The following TCF24 variants were observed in gnomAD, a reference collection of about 807,000 sequenced individuals.
The protein encoded by TCF24 is transcription factor 24.
A neutral mutation model predicts 9.3 loss-of-function variants in TCF24; 5 were observed. That is an observed-to-expected ratio of 0.54 (90% CI 0.28 to 1.13). The LOEUF (loss-of-function observed/expected upper bound fraction) is 1.13. Among genes scored for constraint, TCF24 ranks in the 50% most tolerant of loss-of-function variants. The pLI, the probability that TCF24 is intolerant of heterozygous loss-of-function variation, is 0.09. For synonymous variants in TCF24, 110 were observed against 115.8 expected (o/e 0.95, Z 0.32); for missense variants, 220 against 236.1 (o/e 0.93, Z 0.45).
chr8:66,961,808 C>CA lies in TCF24; in HGVS notation c.-23-21_-23-20insT. Reference sequence around the variant, plus strand: ...CGCGCGCTGCAAAGGACCGAAGGTGCGGTGAGGCCGGGGGGCGGTCGGGCT... The same window carrying CA: ...CGCGCGCTGCAAAGGACCGAAGGTGCAGGTGAGGCCGGGGGGCGGTCGGGCT... On this transcript the variant is annotated intron_variant, in intron 2 of 3. Coordinates refer to ENST00000563496, the MANE Select transcript of TCF24 (RefSeq NM_001193502.2). The CA allele has an allele frequency of 9.1e-7, 1 of 1,100,360 alleles. No homozygotes were observed. 68.2% of individuals were successfully genotyped at this position (1,100,360 alleles called of 1,614,324 possible). A position where few individuals can be genotyped will look rare whatever the true frequency, so the allele number is the denominator to read the frequency against.
Position 66,947,993 on chromosome 8 carries a change from T to C in TCF24, c.*58A>G. ...GTCTCATATAATAAATATAGAATTA[T>C]GTCATAGTATTTAAAAACAATAGCC... is the stretch of plus-strand genomic sequence containing the variant. On this transcript the variant is annotated 3_prime_UTR_variant, in exon 4 of 4. Transcript: ENST00000563496. 1 of 1,212,602 alleles carries C rather than the reference T, an allele frequency of 8.2e-7. No homozygotes were observed. The highest frequency in any genetic ancestry group is 1.1e-6 in the Non-Finnish European group (1 of 891,460). 75.1% of individuals were successfully genotyped at this position (1,212,602 alleles called of 1,614,324 possible). A position where few individuals can be genotyped will look rare whatever the true frequency, so the allele number is the denominator to read the frequency against.
rs995703345 is a variant in TCF24 at position 66,952,944 on chromosome 8, C to G, written c.391-4780G>C. On this transcript the variant is annotated intron_variant, in intron 3 of 3. Coordinates refer to ENST00000563496, the MANE Select transcript of TCF24 (RefSeq NM_001193502.2). ...CCTGCCTTTTTTTGTTTTCCATTTGCTTGGTAGATCTTCCTCCATCCTTTT... is the reference window on the plus strand; with the variant it reads ...CCTGCCTTTTTTTGTTTTCCATTTGGTTGGTAGATCTTCCTCCATCCTTTT... Among the ~76,000 whole-genome samples, 79 of 129,320 alleles carry G rather than the reference C, an allele frequency of 6.1e-4. No homozygotes were observed. The East Asian group carries it at 0.017, about 28-fold the overall frequency. The allele number at this position is 129,320 out of a possible 152,430, so 84.8% of individuals were successfully genotyped here.
chr8:66,951,663 G>T (rs1814060911), intron 3 of TCF24, among the ~76,000 whole-genome samples: 2 of 152,214 alleles, frequency 1.3e-5, no homozygotes, highest in African/African-American at 4.8e-5. Flanking sequence ...AGTTTCAGAA[G>T]GAATGGTACC....
At chr8:66,950,134 T>G (rs1165316223) in intron 3 of TCF24, among the ~76,000 whole-genome samples, 40 of 138,928 alleles carry the variant, frequency 2.9e-4, no homozygotes, top group Admixed American at 8.2e-4. Context: ...GTCAATTTTG[T>G]CTTTTGTTGC....
chr8:66,949,458 T>A (rs1448981252), intron 3 of TCF24, among the ~76,000 whole-genome samples: 7 of 152,232 alleles, frequency 4.6e-5, no homozygotes, highest in Non-Finnish European at 8.8e-5. Flanking sequence ...GGCTGCATAG[T>A]ATTCCATGGT....
intron 3 of TCF24, among the ~76,000 whole-genome samples, chr8:66,960,855 G>A (rs759677544): frequency 3.9e-5 from 6 of 152,110 alleles, no homozygotes; most frequent in Non-Finnish European, 8.8e-5. Context: ...TTACTCCATA[G>A]AGATGCAGAA....
chr8:66,954,097 G>A (rs1417069638), intron 3 of TCF24, among the ~76,000 whole-genome samples: 1 of 152,234 alleles, frequency 6.6e-6, no homozygotes, highest in East Asian at 1.9e-4. Context: ...CTCTCAGCTC[G>A]TCAAAGTCAT....
rs1054796835 is a variant in TCF24 at position 66,961,717 on chromosome 8, G to A, written c.49C>T (p.Pro17Ser). The A allele has an allele frequency of 4.5e-6, 5 of 1,101,064 alleles. No homozygotes were observed. Among genetic ancestry groups the A allele is most frequent in the Non-Finnish European group, 5.5e-6 (5 of 905,174 alleles). 68.2% of individuals were successfully genotyped at this position (1,101,064 alleles called of 1,614,324 possible). ...CGGATGGCGGCGGCCAGGGGCGCGG[G>A]CTCGGCGCTGGCGCTGAGGGGGCTG... ...AGSPLSASAE[P>S]APLAAAIRDS... The change falls in exon 3 of 4, where the codon CCC (proline) becomes TCC (serine). Residue 17 changes from proline to serine, a missense_variant. By Grantham distance (74) the Pro-to-Ser change is moderately conservative. Coordinates refer to ENST00000563496, the MANE Select transcript of TCF24 (RefSeq NM_001193502.2).
chr8:66,948,697 ATC>A (rs756749475), intron 3 of TCF24, among the ~76,000 whole-genome samples: 2 of 149,902 alleles, frequency 1.3e-5, no homozygotes, highest in Non-Finnish European at 3.0e-5. Context: ...CTATCTATCT[ATC>A]TATCTATTTT....
chr8:66,955,955 A>T (rs1814145173), intron 3 of TCF24, among the ~76,000 whole-genome samples: 1 of 152,062 alleles, frequency 6.6e-6, no homozygotes, highest in Admixed American at 6.6e-5. Context: ...TTTATGAGAC[A>T]GGGTCTCATT....
At chr8:66,948,674 T>TCTAC in intron 3 of TCF24, among the ~76,000 whole-genome samples, 1 of 150,522 alleles carries the variant, frequency 6.6e-6, no homozygotes, top group East Asian at 1.9e-4. Flanking sequence ...TATCTATCTA[T>TCTAC]CTATCTATCT....
chr8:66,950,617 A>G (rs867492702), intron 3 of TCF24, among the ~76,000 whole-genome samples: 20 of 152,174 alleles, frequency 1.3e-4, no homozygotes, highest in African/African-American at 2.6e-4. Context: ...GTTTTTTCCA[A>G]TTCTGTGAAG....
rs1348976269 is a variant in TCF24 at position 66,961,559 on chromosome 8, G to C, written c.207C>G (p.Phe69Leu). 1.1e-5 allele frequency: 16 copies of C among 1,498,690 alleles called. No individual in the cohort carries two copies. Among genetic ancestry groups the C allele is most frequent in the East Asian group, 2.8e-5 (1 of 35,708 alleles). 92.8% of individuals were successfully genotyped at this position (1,498,690 alleles called of 1,614,324 possible). A position where few individuals can be genotyped will look rare whatever the true frequency, so the allele number is the denominator to read the frequency against. The change falls in exon 3 of 4, where the codon TTC becomes TTG. Residue 69 changes from phenylalanine (F) to leucine (L), a missense_variant. Transcript: ENST00000563496. Reference protein sequence around the residue: ...RSRVQTLRHAFLELQRTLPSV... With the variant: ...RSRVQTLRHALLELQRTLPSV... ...ACGGCAGCGTGCGCTGCAGCTCCAG[G>C]AAAGCGTGCCGCAGGGTCTGCACCC...
intron 3 of TCF24, among the ~76,000 whole-genome samples, chr8:66,957,940 A>T (rs1394913357): frequency 2.7e-5 from 4 of 148,674 alleles, no homozygotes. Context: ...GCTCTAAATC[A>T]TTCAGCCAAG....
intron 3 of TCF24, among the ~76,000 whole-genome samples, chr8:66,956,197 T>C (rs1814149232): frequency 6.6e-6 from 1 of 152,150 alleles, no homozygotes; most frequent in African/African-American, 2.4e-5. Context: ...TGGGCTCAAG[T>C]GAGCCTCCTG....
At chr8:66,958,839 T>C (rs188082880) in intron 3 of TCF24, among the ~76,000 whole-genome samples, 8 of 152,378 alleles carry the variant, frequency 5.3e-5, no homozygotes, top group African/African-American at 1.4e-4. Context: ...CTCCTGTTTC[T>C]TAGCGAATCA....
rs1813986635 is a variant in TCF24 at position 66,947,823 on chromosome 8, TC to T, written c.*227del. ...CATGTGACTTTTTTCTAATAATTTC[TC>T]TTGCACTATATAGTAGTGACTCTCA... On this transcript the variant is annotated 3_prime_UTR_variant, in exon 4 of 4. Transcript: ENST00000563496. 6.0e-6 allele frequency: 2 copies of T among 333,220 alleles called. No homozygotes were observed. The highest frequency in any genetic ancestry group is 4.2e-5 in the African/African-American group (2 of 47,374). 20.6% of individuals were successfully genotyped at this position (333,220 alleles called of 1,614,324 possible).
chr8:66,952,466 GT>G (rs1311117664), intron 3 of TCF24, among the ~76,000 whole-genome samples: 1 of 142,240 alleles, frequency 7.0e-6, no homozygotes, highest in Non-Finnish European at 1.5e-5. Flanking sequence ...GAGATAGTTT[GT>G]TATAATCTCT....
At chr8:66,959,487 A>C (rs779648583) in intron 3 of TCF24, among the ~76,000 whole-genome samples, 8 of 152,242 alleles carry the variant, frequency 5.3e-5, no homozygotes, top group African/African-American at 1.9e-4. Flanking sequence ...GGCGGTTTCA[A>C]TTATGTACAT....
Sources: gnomAD v4.1 joint callset for allele counts (sites outside exome capture counted in the v4.1 genomes callset) on GRCh38, gnomAD v4.1.1 for gene constraint, MANE v1.5 for transcripts, NCBI Gene and HGNC (gene_info 2026-07-23, HGNC 2026-07-21) for gene names.